GLIS3: variants seen among roughly 807,000 people sequenced by gnomAD.
GLIS3 encodes zinc finger protein GLIS3.
A neutral mutation model predicts 78.6 loss-of-function variants in GLIS3; 53 were observed. The observed-to-expected ratio is 0.67, with a 90% CI of 0.54 to 0.85. The LOEUF is 0.85. Among genes scored for constraint, GLIS3 ranks in the 40% least tolerant of loss-of-function variants. The probability of loss-of-function intolerance (pLI) is 0.00; values close to 1 mark genes in which losing one functional copy is unlikely to be tolerated. For missense variants in GLIS3, 1,703 were observed against 1,231.1 expected (o/e 1.38, Z -5.74); for synonymous variants, 684 against 509.9 (o/e 1.34, Z -4.60).
intron 4 of GLIS3, among the ~76,000 whole-genome samples, chr9:4,007,417 C>G (rs1821639356): frequency 1.3e-5 from 2 of 152,170 alleles, no homozygotes; most frequent in African/African-American, 4.8e-5. Context: ...CTTCCTTACC[C>G]TGGTACCAGA....
At chr9:4,410,305 T>C in the GLIS3 span, among the ~76,000 whole-genome samples, 34 of 152,306 alleles carry the variant, frequency 2.2e-4, no homozygotes, top group African/African-American at 7.9e-4. Context: ...TATTAGGGTT[T>C]GCATATTAAG....
chr9:4,329,117 T>A (rs918587976), intron 2 of GLIS3, among the ~76,000 whole-genome samples: 1 of 152,210 alleles, frequency 6.6e-6, no homozygotes, highest in Non-Finnish European at 1.5e-5. Context: ...ACCAATATAC[T>A]GCCGACTTGG....
Position 4,341,804 on chromosome 9 carries a change from CT to C in GLIS3, n.264+5276del, listed in dbSNP as rs1318580937. ...CCATGGCCAACAAATGGGATCTCCG[CT>C]TTTTTTTCTGTCATCACCTTTTTCC... On this transcript the variant is annotated intron_variant and non_coding_transcript_variant, in intron 2 of 4. Coordinates refer to the GLIS3 transcript ENST00000471664. 3.3e-5 allele frequency among the ~76,000 whole-genome samples: 5 copies of C among 152,164 alleles called. No homozygotes were observed. The East Asian group carries it at 5.8e-4, about 18-fold the overall frequency.
intron 2 of GLIS3, among the ~76,000 whole-genome samples, chr9:4,329,641 C>T (rs1817654177): frequency 6.6e-6 from 1 of 152,102 alleles, no homozygotes; most frequent in African/African-American, 2.4e-5. Flanking sequence ...CAAAGGATCA[C>T]AGCATTCCAG....
chr9:3,875,554 C>T (rs7034419), intron 8 of GLIS3: 150,819 of 152,304 alleles, frequency 0.99, 74,689 homozygotes, highest in East Asian at 1. Context: ...AGAAAACTGC[C>T]GGAGTTTTTA....
At position 3,894,029 on chromosome 9, in the gene GLIS3, A is replaced by T. The variant is rs372525620; in HGVS notation, c.2128+4662T>A. Reference sequence around the variant, plus strand: ...ATGCAAGAGAGGTTACAAAAACTGCAAGGTTTTGATAGCAGTTCAAAGGAA... The same window carrying T: ...ATGCAAGAGAGGTTACAAAAACTGCTAGGTTTTGATAGCAGTTCAAAGGAA... On this transcript the variant is annotated intron_variant, in intron 7 of 10. Transcript: ENST00000381971. Among the ~76,000 whole-genome samples, 31 of 152,292 alleles carry T rather than the reference A, an allele frequency of 2.0e-4. No homozygotes were observed. The East Asian group carries it at 5.0e-3, about 25-fold the overall frequency.
At chr9:4,029,966 G>C (rs1823688375) in intron 4 of GLIS3, among the ~76,000 whole-genome samples, 1 of 152,158 alleles carries the variant, frequency 6.6e-6, no homozygotes, top group Admixed American at 6.6e-5. Flanking sequence ...CCAGCAGTGG[G>C]ATTGATAGCT....
At chr9:4,225,140 A>G (rs568296577) in intron 2 of GLIS3, among the ~76,000 whole-genome samples, 75 of 151,894 alleles carry the variant, frequency 4.9e-4, no homozygotes, top group African/African-American at 1.8e-3. Flanking sequence ...GACGTTAAGG[A>G]GCTTGCCTAT....
intron 4 of GLIS3, among the ~76,000 whole-genome samples, chr9:3,995,282 T>A (rs1184765902): frequency 6.6e-6 from 1 of 152,140 alleles, no homozygotes; most frequent in Non-Finnish European, 1.5e-5. Context: ...CAAAAACTGA[T>A]ATTTTAGTTT....
chr9:3,862,639 G>T (rs1820292819), intron 8 of GLIS3, among the ~76,000 whole-genome samples: 1 of 152,068 alleles, frequency 6.6e-6, no homozygotes, highest in Admixed American at 6.6e-5. Context: ...AGCAGTGCAG[G>T]ACTGTGTGTT....
chr9:3,880,608 C>G (rs1369890412), intron 7 of GLIS3, among the ~76,000 whole-genome samples: 2 of 152,066 alleles, frequency 1.3e-5, no homozygotes, highest in African/African-American at 4.8e-5. Context: ...AAAAATAAAT[C>G]AGGTTCAGGA....
At chr9:4,325,094 G>A (rs888831245) in intron 2 of GLIS3, among the ~76,000 whole-genome samples, 2 of 152,274 alleles carry the variant, frequency 1.3e-5, no homozygotes, top group South Asian at 2.1e-4. Context: ...CCACACAGCT[G>A]GTAAGTCCTC....
chr9:4,430,008 G>A, the GLIS3 span, among the ~76,000 whole-genome samples: 2 of 150,674 alleles, frequency 1.3e-5, no homozygotes, highest in Admixed American at 6.6e-5. Context: ...ATCAGAATCC[G>A]AAATCTGTCC....
chr9:3,933,487 A>C (rs1006832574), intron 5 of GLIS3, among the ~76,000 whole-genome samples: 1 of 152,236 alleles, frequency 6.6e-6, no homozygotes, highest in Non-Finnish European at 1.5e-5. Context: ...TTCAGTTGTG[A>C]GATAAATCAA....
the GLIS3 span, among the ~76,000 whole-genome samples, chr9:4,371,611 G>C: frequency 1.3e-5 from 2 of 152,026 alleles, no homozygotes; most frequent in African/African-American, 4.8e-5. Flanking sequence ...TCTCTCACTG[G>C]GATCCACTAG....
intron 4 of GLIS3, among the ~76,000 whole-genome samples, chr9:3,963,713 C>T (rs1452974896): frequency 6.6e-6 from 1 of 152,128 alleles, no homozygotes; most frequent in Non-Finnish European, 1.5e-5. Flanking sequence ...AGGTAAAGCA[C>T]AGATTGGGTT....
chr9:4,371,425 C>A, the GLIS3 span, among the ~76,000 whole-genome samples: 1 of 152,214 alleles, frequency 6.6e-6, no homozygotes, highest in South Asian at 2.1e-4. Flanking sequence ...CTAAGCCTTT[C>A]CTTTGAACTT....
chr9:4,316,334 A>G (rs1307098562), intron 2 of GLIS3, among the ~76,000 whole-genome samples: 1 of 152,226 alleles, frequency 6.6e-6, no homozygotes, highest in Non-Finnish European at 1.5e-5. Context: ...TTTAAAATAC[A>G]TATTCATTTT....
At chr9:4,323,035 T>G (rs1219497761) in intron 2 of GLIS3, among the ~76,000 whole-genome samples, 2 of 152,200 alleles carry the variant, frequency 1.3e-5, no homozygotes, top group African/African-American at 2.4e-5. Flanking sequence ...TCTAAAGTCT[T>G]TATGATTTTA....
Sources: allele counts gnomAD v4.1 joint callset (sites outside exome capture counted in the v4.1 genomes callset), GRCh38; gene constraint gnomAD v4.1.1; transcripts MANE v1.5; gene names NCBI Gene and HGNC (gene_info 2026-07-23, HGNC 2026-07-21).